PHACTR1: variants seen among roughly 807,000 people sequenced by gnomAD.
The protein encoded by PHACTR1 is phosphatase and actin regulator 1, also known as RPEL repeat containing 1.
PHACTR1 carries 16 observed loss-of-function variants against 69.2 expected under a neutral mutation model. That is an observed-to-expected ratio of 0.23 (90% CI 0.16 to 0.35). The LOEUF (loss-of-function observed/expected upper bound fraction) is 0.35. Ranked by LOEUF, PHACTR1 falls within the 10% of genes least tolerant of loss-of-function variation. The pLI, the probability that PHACTR1 is intolerant of heterozygous loss-of-function variation, is 1.00. For missense variants in PHACTR1, 510 were observed against 734.7 expected (o/e 0.69, Z 3.54); for synonymous variants, 312 against 284.5 (o/e 1.10, Z -0.97).
At position 12,955,271 on chromosome 6, in the gene PHACTR1, T is replaced by C. The variant is rs374913246; in HGVS notation, c.251-98094T>C. Among the ~76,000 whole-genome samples, 26 of 146,476 alleles carry C rather than the reference T, an allele frequency of 1.8e-4. No individual in the cohort carries two copies. The East Asian group carries it at 4.9e-3, about 28-fold the overall frequency. ...TGGAGTGCAGTAGTACAGTCGTGGC[T>C]CACCGTAGCTTTGACCTCCTGGGCT... On this transcript the variant is annotated intron_variant, in intron 4 of 14. Transcript: ENST00000332995.
chr6:12,849,875 C>T (rs1245950258), intron 4 of PHACTR1, among the ~76,000 whole-genome samples: 2 of 152,042 alleles, frequency 1.3e-5, no homozygotes, highest in Non-Finnish European at 2.9e-5. Context: ...ATTAATTAAA[C>T]CTTACAGTAG....
At chr6:12,757,027 C>T (rs1294124485) in intron 4 of PHACTR1, among the ~76,000 whole-genome samples, 9 of 151,966 alleles carry the variant, frequency 5.9e-5, no homozygotes, top group South Asian at 2.1e-4. Flanking sequence ...GAGCAAGAAA[C>T]GTTAGATATA....
At chr6:13,218,808 A>G (rs1264049816) in intron 8 of PHACTR1, among the ~76,000 whole-genome samples, 3 of 151,268 alleles carry the variant, frequency 2.0e-5, no homozygotes, top group Non-Finnish European at 4.4e-5. Flanking sequence ...GGAGAAGAAG[A>G]AGAAGGAGGA....
In PHACTR1 at chr6:13,072,918, G is replaced by T. The variant is rs1018502308; in HGVS notation, c.415+19389G>T. Among the ~76,000 whole-genome samples, 29 of 152,142 alleles carry T rather than the reference G, an allele frequency of 1.9e-4. 1 individual carries two copies. Among genetic ancestry groups the T allele is most frequent in the Admixed American group, 9.2e-4 (14 of 15,258 alleles). ...TAATGGTGTGAAGTTAAGGTGGTTA[G>T]TGAGGAATCAAGTAGGGAAGTAGGA... On this transcript the variant is annotated intron_variant, in intron 5 of 14. Transcript: ENST00000332995.
At chr6:12,818,831 A>C (rs1033735868) in intron 4 of PHACTR1, among the ~76,000 whole-genome samples, 1 of 152,268 alleles carries the variant, frequency 6.6e-6, no homozygotes, top group Non-Finnish European at 1.5e-5. Context: ...AGATTGGTCC[A>C]GAACTCTCCA....
At chr6:12,750,377 A>T (rs1166561393) in intron 4 of PHACTR1, among the ~76,000 whole-genome samples, 1 of 152,148 alleles carries the variant, frequency 6.6e-6, no homozygotes, top group East Asian at 1.9e-4. Context: ...ACTGGTGCCC[A>T]AAGTGGCCCA....
At chr6:12,952,158 C>A (rs543501470) in intron 4 of PHACTR1, among the ~76,000 whole-genome samples, 39 of 152,266 alleles carry the variant, frequency 2.6e-4, no homozygotes, top group Non-Finnish European at 3.8e-4. Flanking sequence ...TACCTCCTAC[C>A]CTACGAGTGC....
At chr6:12,943,493 A>T (rs1353972690) in intron 4 of PHACTR1, among the ~76,000 whole-genome samples, 2 of 152,222 alleles carry the variant, frequency 1.3e-5, no homozygotes, top group Non-Finnish European at 2.9e-5. Context: ...ACACCTTAAA[A>T]TGGTTACAAT....
intron 6 of PHACTR1, among the ~76,000 whole-genome samples, chr6:13,165,371 A>G (rs1364957091): frequency 6.6e-6 from 1 of 152,238 alleles, no homozygotes; most frequent in Non-Finnish European, 1.5e-5. Context: ...CAAACTAAAC[A>G]AAGTTTAATT....
chr6:13,122,437 G>A lies in PHACTR1; in HGVS notation c.416-37767G>A, dbSNP rs115129590. Among the ~76,000 whole-genome samples the A allele has an allele frequency of 3.7e-3, 567 of 152,304 alleles. 3 individuals carry two copies. Among genetic ancestry groups the A allele is most frequent in the African/African-American group, 0.013 (541 of 41,574 alleles). On this transcript the variant is annotated intron_variant, in intron 5 of 14. Transcript: ENST00000332995. ...CTTCGTAACTGTCAGAAGAAGTAAA[G>A]CTTTAAAAATGTGTGTGCACATCAG...
intron 4 of PHACTR1, among the ~76,000 whole-genome samples, chr6:12,889,400 T>G (rs1561982745): frequency 6.6e-6 from 1 of 152,208 alleles, no homozygotes; most frequent in Non-Finnish European, 1.5e-5. Flanking sequence ...AGACATAGAA[T>G]GATTCAACAT....
Position 13,160,303 on chromosome 6 carries a change from T to C in PHACTR1, c.496+19T>C. ...GATAAAGGTAAGGAGGATTGGTCTG[T>C]CATCCCCGGGTCAAAGAGTCATGCG... On this transcript the variant is annotated intron_variant, in intron 6 of 14. Coordinates refer to ENST00000332995, the MANE Select transcript of PHACTR1 (RefSeq NM_030948.6). The C allele has an allele frequency of 6.2e-7, 1 of 1,605,062 alleles. No individual in the cohort carries two copies. The highest frequency in any genetic ancestry group is 1.1e-5 in the South Asian group (1 of 90,840).
At chr6:12,989,707 AG>A (rs1286616704) in intron 4 of PHACTR1, among the ~76,000 whole-genome samples, 1 of 152,220 alleles carries the variant, frequency 6.6e-6, no homozygotes, top group Non-Finnish European at 1.5e-5. Context: ...AGGCTGCGAA[AG>A]GCCCAGAGTT....
intron 4 of PHACTR1, among the ~76,000 whole-genome samples, chr6:12,820,335 C>A (rs1194017726): frequency 1.3e-5 from 2 of 152,016 alleles, no homozygotes; most frequent in East Asian, 3.9e-4. Flanking sequence ...CGCATGCCAC[C>A]ACGTCTGACT....
chr6:13,265,560 A>G (rs1229441420), intron 10 of PHACTR1, among the ~76,000 whole-genome samples: 1 of 152,172 alleles, frequency 6.6e-6, no homozygotes, highest in Non-Finnish European at 1.5e-5. Flanking sequence ...TTAGTTAATG[A>G]GAGTACTCTC....
At chr6:13,261,039 C>T (rs543889189) in intron 10 of PHACTR1, among the ~76,000 whole-genome samples, 39 of 152,298 alleles carry the variant, frequency 2.6e-4, no homozygotes, top group African/African-American at 8.2e-4. Context: ...CCCTCTCAAT[C>T]GCAACAACCA....
intron 4 of PHACTR1, among the ~76,000 whole-genome samples, chr6:12,895,299 A>G (rs2127474150): frequency 6.7e-6 from 1 of 149,510 alleles, no homozygotes; most frequent in African/African-American, 2.5e-5. Flanking sequence ...CTCCTGCCTC[A>G]GCTTCCCAAG....
At chr6:12,911,976 T>G (rs1032443150) in intron 4 of PHACTR1, among the ~76,000 whole-genome samples, 1 of 152,162 alleles carries the variant, frequency 6.6e-6, no homozygotes, top group Non-Finnish European at 1.5e-5. Context: ...ACCTCAAAGC[T>G]GCATTTTATT....
intron 7 of PHACTR1, among the ~76,000 whole-genome samples, chr6:13,198,054 C>A (rs1363204990): frequency 6.6e-6 from 1 of 152,202 alleles, no homozygotes; most frequent in Non-Finnish European, 1.5e-5. Context: ...TTTAATACAG[C>A]AGAAACCAGT....
Sources: allele counts gnomAD v4.1 joint callset (sites outside exome capture counted in the v4.1 genomes callset), GRCh38; gene constraint gnomAD v4.1.1; transcripts MANE v1.5; gene names NCBI Gene and HGNC (gene_info 2026-07-23, HGNC 2026-07-21).